Variants in SEM1 observed in about 807,000 individuals in gnomAD.
SEM1 encodes the protein 26S proteasome complex subunit SEM1.
Under a neutral mutation model 12.7 loss-of-function variants are expected in SEM1, and 3 were observed. The ratio of observed to expected loss-of-function variants is 0.24; its 90% CI spans 0.11 to 0.61. The LOEUF is 0.61. SEM1 is among the 20% of genes least tolerant of loss of function. The pLI, the probability that SEM1 is intolerant of heterozygous loss-of-function variation, is 0.88. For missense variants in SEM1, 59 were observed against 81.3 expected, an observed-to-expected ratio of 0.73 and a Z score of 1.06; for synonymous variants, 30 against 27.8, an observed-to-expected ratio of 1.08 and a Z score of -0.25.
chr7:96,639,076 C>T (rs984039236), intron 2 of SEM1, among the ~76,000 whole-genome samples: 2 of 151,978 alleles, frequency 1.3e-5, no homozygotes, highest in Non-Finnish European at 2.9e-5. Flanking sequence ...TTTGTAATTG[C>T]TTCTCAATCC....
At chr7:96,693,116 G>A (rs1789976955) in intron 2 of SEM1, among the ~76,000 whole-genome samples, 1 of 151,994 alleles carries the variant, frequency 6.6e-6, no homozygotes, top group Non-Finnish European at 1.5e-5. Flanking sequence ...TGCAGTGTAG[G>A]AGCTGGTGCT....
chr7:96,559,554 G>A (rs1805628901), intron 2 of SEM1, among the ~76,000 whole-genome samples: 1 of 152,206 alleles, frequency 6.6e-6, no homozygotes, highest in Non-Finnish European at 1.5e-5. Context: ...AATTATAGGT[G>A]TCAGTCACTG....
At chr7:96,606,987 A>G (rs1198490169) in intron 2 of SEM1, among the ~76,000 whole-genome samples, 4 of 152,194 alleles carry the variant, frequency 2.6e-5, no homozygotes, top group Non-Finnish European at 5.9e-5. Context: ...ACTTATAACA[A>G]TGTTAAGTAA....
chr7:96,622,456 T>G (rs915458685), downstream of SEM1: 1 of 548,892 alleles, frequency 1.8e-6, no homozygotes, highest in Non-Finnish European at 3.3e-6. Flanking sequence ...TCAAGAAATA[T>G]CAGTGCAGTT....
At chr7:96,679,988 T>A (rs1024679962) in intron 2 of SEM1, among the ~76,000 whole-genome samples, 1 of 152,154 alleles carries the variant, frequency 6.6e-6, no homozygotes, top group African/African-American at 2.4e-5. Flanking sequence ...GAATACTTTC[T>A]GTGGTAGCCA....
intron 2 of SEM1, among the ~76,000 whole-genome samples, chr7:96,538,244 A>G (rs1804848716): frequency 6.6e-6 from 1 of 151,778 alleles, no homozygotes. Context: ...AAGCATAGCT[A>G]TTTTCAATTC....
intron 2 of SEM1, among the ~76,000 whole-genome samples, chr7:96,641,465 G>A (rs1300120024): frequency 6.6e-6 from 1 of 151,920 alleles, no homozygotes; most frequent in African/African-American, 2.4e-5. Flanking sequence ...TGAAAGCATG[G>A]AAATGGAAAT....
chr7:96,603,606 C>T lies in SEM1; in HGVS notation c.170+91192G>A, dbSNP rs78089017. On this transcript the variant is annotated intron_variant and NMD_transcript_variant, in intron 2 of 3. Coordinates refer to the SEM1 transcript ENST00000466986. ...AGTTTTTTTCTGGTGCCAGACCCCA[C>T]TGTTTTCTCCATTTGTTGTTTTTAT... Among the ~76,000 whole-genome samples the T allele has an allele frequency of 4.9e-3, 742 of 152,276 alleles. 2 individuals are homozygous for T. Among genetic ancestry groups the T allele is most frequent in the African/African-American group, 0.017 (706 of 41,542 alleles).
At chr7:96,614,324 A>G (rs1807636604) in intron 2 of SEM1, among the ~76,000 whole-genome samples, 1 of 152,164 alleles carries the variant, frequency 6.6e-6, no homozygotes, top group Non-Finnish European at 1.5e-5. Context: ...TTCACCTTGA[A>G]TAGAAAGTGT....
chr7:96,482,922 T>C (rs1802603145), exon 4 of SEM1: 1 of 152,154 alleles, frequency 6.6e-6, no homozygotes, highest in Admixed American at 6.6e-5. Context: ...GACTGATAGC[T>C]AAACTCTAAG....
chr7:96,485,600 T>C (rs1397397763), intron 2 of SEM1, among the ~76,000 whole-genome samples: 1 of 133,026 alleles, frequency 7.5e-6, no homozygotes, highest in East Asian at 2.2e-4. Context: ...TGGAGTGCAG[T>C]GGTGCGATCT....
intron 2 of SEM1, among the ~76,000 whole-genome samples, chr7:96,570,624 T>C (rs1247157747): frequency 6.6e-6 from 1 of 152,174 alleles, no homozygotes; most frequent in Non-Finnish European, 1.5e-5. Flanking sequence ...TTCCAAGTCT[T>C]TGCTATTGTG....
At chr7:96,540,346 TTAAG>T (rs1804907262) in intron 2 of SEM1, among the ~76,000 whole-genome samples, 1 of 151,768 alleles carries the variant, frequency 6.6e-6, no homozygotes, top group African/African-American at 2.4e-5. Context: ...ATTTAAATGA[TTAAG>T]TATTTTAAAA....
chr7:96,650,662 A>G, intron 2 of SEM1: 1 of 625,118 alleles, frequency 1.6e-6, no homozygotes, highest in East Asian at 2.7e-5. Flanking sequence ...ACACAAACAC[A>G]CAGAAACACA....
chr7:96,492,675 C>T (rs1803063920), intron 1 of SEM1, among the ~76,000 whole-genome samples: 1 of 146,890 alleles, frequency 6.8e-6, no homozygotes, highest in South Asian at 2.2e-4. Context: ...AAGCGATCCA[C>T]CAGCCTTGGC....
At chr7:96,672,577 T>C (rs1448651219), downstream of SEM1, 1 of 152,174 alleles carries the variant, frequency 6.6e-6, no homozygotes, top group Non-Finnish European at 1.5e-5. Context: ...ACACTTAGTA[T>C]GAAAGAACAA....
At chr7:96,594,397 A>C (rs757326622) in intron 2 of SEM1, among the ~76,000 whole-genome samples, 11 of 148,888 alleles carry the variant, frequency 7.4e-5, no homozygotes, top group South Asian at 2.2e-4. Context: ...GAATATGAAA[A>C]CCCCCCCACC....
chr7:96,665,545 G>T (rs533487728), intron 2 of SEM1, among the ~76,000 whole-genome samples: 1 of 152,260 alleles, frequency 6.6e-6, no homozygotes, highest in South Asian at 2.1e-4. Flanking sequence ...TATGGTTAAG[G>T]CTTGGCGATA....
At chr7:96,670,236 T>A (rs1465461836), downstream of SEM1, among the ~76,000 whole-genome samples, 2 of 152,216 alleles carry the variant, frequency 1.3e-5, no homozygotes, top group African/African-American at 4.8e-5. Flanking sequence ...TACTTTATTC[T>A]AACTCATTAA....
Sources: gnomAD v4.1 joint callset for allele counts (sites outside exome capture counted in the v4.1 genomes callset) on GRCh38, gnomAD v4.1.1 for gene constraint, MANE v1.5 for transcripts, NCBI Gene and HGNC (gene_info 2026-07-23, HGNC 2026-07-21) for gene names.